USP25: variants seen among roughly 807,000 people sequenced by gnomAD.
USP25 encodes the protein ubiquitin carboxyl-terminal hydrolase 25.
USP25 carries 85 observed loss-of-function variants against 158.5 expected under a neutral mutation model. The ratio of observed to expected loss-of-function variants is 0.54; its 90% CI spans 0.45 to 0.64. USP25 has a LOEUF of 0.64. USP25 is among the 30% of genes least tolerant of loss of function. The pLI, the probability that USP25 is intolerant of heterozygous loss-of-function variation, is 0.00. For synonymous variants in USP25, 464 were observed against 460.4 expected, an observed-to-expected ratio of 1.01 and a Z score of -0.10; for missense variants, 1,242 against 1,327.3, an observed-to-expected ratio of 0.94 and a Z score of 1.00.
intron 8 of USP25, among the ~76,000 whole-genome samples, chr21:15,809,444 C>T (rs534599413): frequency 1.3e-5 from 2 of 151,710 alleles, no homozygotes; most frequent in South Asian, 2.1e-4. Context: ...ATTAGGATGG[C>T]GGCTACGAAA....
intron 15 of USP25, 27 bp downstream of exon 15, chr21:15,830,628 A>C: frequency 6.8e-7 from 1 of 1,474,790 alleles, no homozygotes. Context: ...GCTAGTAATC[A>C]TTGTCAAAAT....
chr21:15,731,143 G>T (rs1392065013), intron 1 of USP25, among the ~76,000 whole-genome samples: 1 of 151,808 alleles, frequency 6.6e-6, no homozygotes, highest in Admixed American at 6.6e-5. Context: ...ACTCACTAAA[G>T]AAAACAATTA....
At chr21:15,794,768 C>T (rs2035774522) in intron 5 of USP25, among the ~76,000 whole-genome samples, 1 of 151,454 alleles carries the variant, frequency 6.6e-6, no homozygotes, top group South Asian at 2.1e-4. Flanking sequence ...GACTAAAATA[C>T]AGGCACCCTG....
chr21:15,799,044 T>G (rs1353819069), intron 5 of USP25, among the ~76,000 whole-genome samples: 1 of 151,314 alleles, frequency 6.6e-6, no homozygotes, highest in African/African-American at 2.4e-5. Flanking sequence ...ATGAAAATTT[T>G]GCAAGAAAAT....
intron 20 of USP25, among the ~76,000 whole-genome samples, chr21:15,853,518 G>T (rs1019101369): frequency 6.6e-6 from 1 of 151,986 alleles, no homozygotes; most frequent in Non-Finnish European, 1.5e-5. Context: ...AAAATAGTAT[G>T]TTCGTTTTCC....
intron 20 of USP25, among the ~76,000 whole-genome samples, chr21:15,851,500 C>A (rs565157135): frequency 8.4e-5 from 12 of 142,250 alleles, no homozygotes; most frequent in African/African-American, 3.6e-4. Context: ...CTCCTATCCC[C>A]CATACACACA....
chr21:15,801,622 G>A (rs2036140096), intron 6 of USP25, among the ~76,000 whole-genome samples: 1 of 151,418 alleles, frequency 6.6e-6, no homozygotes, highest in South Asian at 2.1e-4. Flanking sequence ...GGTGACAGCA[G>A]GTTTTTAAAA....
At chr21:15,776,146 C>CT (rs761969533) in intron 3 of USP25, among the ~76,000 whole-genome samples, 3 of 152,190 alleles carry the variant, frequency 2.0e-5, no homozygotes, top group Non-Finnish European at 4.4e-5. Flanking sequence ...TTACACTCAT[C>CT]TTCAGCTGTG....
Position 15,874,420 on chromosome 21 carries a change from T to G in USP25, c.2903T>G (p.Leu968Arg). The G allele has an allele frequency of 6.2e-7, 1 of 1,606,450 alleles. No homozygotes were observed. The highest frequency in any genetic ancestry group is 1.1e-5 in the South Asian group (1 of 89,884). ...TTTTCAAGTTATATAGATTCCTTGCTGTTCCTCATCTGTGCTTATCAGAAT... is the reference window on the plus strand; with the variant it reads ...TTTTCAAGTTATATAGATTCCTTGCGGTTCCTCATCTGTGCTTATCAGAAT... ...FQRESYIDSL[L>R]FLICAYQNNK... Residue 968 changes from leucine to arginine, a missense_variant, in exon 24 of 26, where the codon CTG becomes CGG. Transcript: ENST00000400183.
chr21:15,865,786 A>T (rs543551220), intron 21 of USP25, among the ~76,000 whole-genome samples: 1 of 152,264 alleles, frequency 6.6e-6, no homozygotes, highest in African/African-American at 2.4e-5. Flanking sequence ...ATGTGAATAA[A>T]TACATTTCGT....
At chr21:15,838,450 G>C (rs1285010753) in intron 17 of USP25, among the ~76,000 whole-genome samples, 1 of 152,030 alleles carries the variant, frequency 6.6e-6, no homozygotes, top group African/African-American at 2.4e-5. Flanking sequence ...TGAGGATGTA[G>C]CTCTTTGTCC....
At chr21:15,755,351 C>G (rs1291865580) in intron 1 of USP25, among the ~76,000 whole-genome samples, 1 of 152,204 alleles carries the variant, frequency 6.6e-6, no homozygotes, top group African/African-American at 2.4e-5. Context: ...CCGCTTAACA[C>G]AAACTGTTTT....
chr21:15,837,432 G>T (rs2038109229), intron 17 of USP25, among the ~76,000 whole-genome samples: 1 of 151,334 alleles, frequency 6.6e-6, no homozygotes, highest in Non-Finnish European at 1.5e-5. Flanking sequence ...AGTGAGTAGG[G>T]TTTTTTTTTC....
Position 15,847,696 on chromosome 21 carries a change from A to G in USP25, c.2371A>G (p.Asn791Asp). The G allele has an allele frequency of 2.6e-6, 4 of 1,550,148 alleles. No individual in the cohort carries two copies. Among genetic ancestry groups the G allele is most frequent in the East Asian group, 2.4e-5 (1 of 40,902 alleles). Residue 791 changes from asparagine to aspartate, a missense_variant, in exon 19 of 26, where the codon AAT (asparagine) becomes GAT (aspartate). By Grantham distance (23) the Asn-to-Asp change is conservative (BLOSUM62 1). Around this residue, in one of 3 missense-constraint regions of USP25, gnomAD observed 608 missense variants for 605.2 expected, o/e 1.00. Transcript: ENST00000400183. ...AAATACTACAAGCCAACCACTTTCT[A>G]ATCAGCGAGTTGTAGAGGTGGCGAT... ...PENTTSQPLS[N>D]QRVVEVAIPH...
chr21:15,795,547 A>G (rs991409506), intron 5 of USP25, among the ~76,000 whole-genome samples: 1 of 151,470 alleles, frequency 6.6e-6, no homozygotes, highest in African/African-American at 2.4e-5. Flanking sequence ...AAGCATGATC[A>G]CTCGCTTTCT....
intron 1 of USP25, among the ~76,000 whole-genome samples, chr21:15,736,166 C>T (rs1033350689): frequency 6.6e-6 from 1 of 151,954 alleles, no homozygotes; most frequent in East Asian, 1.9e-4. Flanking sequence ...GGTGCAATCT[C>T]AGCTCACTGC....
chr21:15,874,292 A>T, intron 23 of USP25, 111 bp from the exon 24 acceptor site: 1 of 987,520 alleles, frequency 1.0e-6, no homozygotes, highest in Non-Finnish European at 1.4e-6. Flanking sequence ...TTTTATTATA[A>T]TGTAGATTAT....
rs2038420990 is a variant in USP25 at position 15,843,177 on chromosome 21, T to C, written c.2337+637T>C. On this transcript the variant is annotated intron_variant, in intron 18 of 25. Transcript: ENST00000400183. This position sits in a 1 kb window ranked among gnomAD's most constrained non-coding sequence, Gnocchi z 4.0. ...TGTTATACTGTGTTATCAGTGAATA[T>C]GGCATTCTGAGAGAAGCTATTTCAA... Among the ~76,000 whole-genome samples, 1 of 152,188 alleles carries C rather than the reference T, an allele frequency of 6.6e-6. No homozygotes were observed. The highest frequency in any genetic ancestry group is 6.5e-5 in the Admixed American group (1 of 15,272).
intron 1 of USP25, among the ~76,000 whole-genome samples, chr21:15,751,490 T>C (rs1176483245): frequency 8.5e-5 from 13 of 152,248 alleles, no homozygotes. Context: ...GATTATAAGC[T>C]AATTAGGCAA....
Sources: gnomAD v4.1 joint callset for allele counts (sites outside exome capture counted in the v4.1 genomes callset) on GRCh38, gnomAD v4.1.1 for gene constraint, gnomAD v4.1.1 regional missense constraint, Gnocchi (gnomAD v3.1) non-coding constraint, MANE v1.5 for transcripts, NCBI Gene and HGNC (gene_info 2026-07-23, HGNC 2026-07-21) for gene names.